ASPM: variants seen among roughly 807,000 people sequenced by gnomAD.
ASPM encodes abnormal spindle-like microcephaly-associated protein.
ASPM carries 256 observed loss-of-function variants against 366.4 expected under a neutral mutation model. The observed-to-expected ratio is 0.70, with a 90% CI of 0.63 to 0.77. The LOEUF is 0.77. Ranked by LOEUF, ASPM falls within the 30% of genes least tolerant of loss-of-function variation. The probability of loss-of-function intolerance (pLI) is 0.00; values close to 1 mark genes in which losing one functional copy is unlikely to be tolerated. For missense variants in ASPM, 4,146 were observed against 4,090.4 expected, an observed-to-expected ratio of 1.01 and a Z score of -0.37; for synonymous variants, 1,414 against 1,342.9, an observed-to-expected ratio of 1.05 and a Z score of -1.16.
In ASPM at chr1:197,130,057, C is replaced by A. The variant is rs1321892596; in HGVS notation, c.2488-1G>T. The A allele has an allele frequency of 1.9e-6, 3 of 1,613,394 alleles. No homozygotes were observed. Among genetic ancestry groups the A allele is most frequent in the Non-Finnish European group, 2.5e-6 (3 of 1,179,718 alleles). ...AAGATATGAGTTCTCCATAAGTTGT[C>A]TGAAAATAAATTAAAGCCAAAGTCA... is the stretch of plus-strand genomic sequence containing the variant. On this transcript the variant is annotated splice_acceptor_variant, in intron 7 of 27. Coordinates refer to ENST00000367409, the MANE Select transcript of ASPM (RefSeq NM_018136.5). LOFTEE classifies it high-confidence loss of function.
In ASPM at chr1:197,142,952, C is replaced by T. The variant is rs370714755; in HGVS notation, c.1300G>A (p.Val434Ile). The T allele has an allele frequency of 1.2e-6, 2 of 1,613,856 alleles. No individual in the cohort carries two copies. The highest frequency in any genetic ancestry group is 2.7e-5 in the African/African-American group (2 of 74,920). The change falls in exon 3 of 28, where the codon GTT (valine) becomes ATT (isoleucine). Residue 434 changes from valine (V) to isoleucine (I), a missense_variant. Coordinates refer to ENST00000367409, the MANE Select transcript of ASPM (RefSeq NM_018136.5). Reference protein sequence around the residue: ...QSPEDWRKSEVSPRIPECQGS... With the variant: ...QSPEDWRKSEISPRIPECQGS... ...TGACATTCAGGAATACGTGGCGAAACTTCACTTTTTCTCCAATCTTCAGGA... is the reference window on the plus strand; with the variant it reads ...TGACATTCAGGAATACGTGGCGAAATTTCACTTTTTCTCCAATCTTCAGGA...
intron 17 of ASPM, among the ~76,000 whole-genome samples, chr1:197,115,663 C>T (rs1198638028): frequency 6.6e-6 from 1 of 152,206 alleles, no homozygotes; most frequent in East Asian, 1.9e-4. Flanking sequence ...CAACATTCCT[C>T]TCCTTGTCCA....
chr1:197,090,935 G>A lies in ASPM; in HGVS notation c.9551C>T (p.Ala3184Val). ...CACTGCTTTCTGTATTACTGATGCA[G>A]CCCTATTTCGCTGGCTCAGACATTC... ...GQECLSQRNR[A>V]ASVIQKAVRH... The change falls in exon 23 of 28, where the codon GCT (alanine) becomes GTT (valine). Residue 3184 changes from alanine to valine, a missense_variant. This residue lies in a region of ASPM where 3,624 missense variants were observed against 3,591.7 expected (regional missense o/e 1.01). Coordinates refer to ENST00000367409, the MANE Select transcript of ASPM (RefSeq NM_018136.5). 6.2e-7 allele frequency: 1 copy of A among 1,613,364 alleles called. No individual in the cohort carries two copies.
In ASPM at chr1:197,144,022, C is replaced by T. The variant is rs752973219; in HGVS notation, c.376G>A (p.Val126Ile). 3 of 1,610,334 alleles carry T rather than the reference C, an allele frequency of 1.9e-6. No individual in the cohort carries two copies. Among genetic ancestry groups the T allele is most frequent in the South Asian group, 1.1e-5 (1 of 90,980 alleles). ...GCTTGGTGTTTCAGAACATCATTTA[C>T]AAGAAATGTCATAATCTCTCTTACT... ...GRVREIMTFL[V>I]NDVLKHQAIL... is the part of the protein sequence containing the mutation. The change falls in exon 2 of 28, where the codon GTA becomes ATA. Residue 126 changes from valine (V) to isoleucine (I), a missense_variant. Physicochemically the swap from Val to Ile is conservative, Grantham distance 29. This residue lies in a region of ASPM where 512 missense variants were observed against 471.7 expected (regional missense o/e 1.09). Transcript: ENST00000367409.
chr1:197,128,418 T>C, intron 10 of ASPM, 72 bp downstream of exon 10: 1 of 1,457,240 alleles, frequency 6.9e-7, no homozygotes, highest in Non-Finnish European at 9.6e-7. Context: ...ATTGAATAAT[T>C]ACAAAAAAAG....
At chr1:197,088,478 A>T in intron 25 of ASPM, 46 bp from the exon 26 acceptor site, 1 of 1,526,614 alleles carries the variant, frequency 6.6e-7, no homozygotes, top group African/African-American at 1.4e-5. Context: ...AAACACATAC[A>T]TTTACAAACA....
At position 197,103,193 on chromosome 1, in the gene ASPM, T is replaced by C. The variant is rs587783253; in HGVS notation, c.6058A>G (p.Thr2020Ala). ...GREQNHLYLK[T>A]KAAVVTLQSA... The stretch of plus-strand genomic sequence containing the variant: ...TGTAAAGTTACTACAGCTGCTTTTG[T>C]TTTCAAATATAAATGATTCTGTTCT... Residue 2020 changes from threonine (T) to alanine (A), a missense_variant, in exon 18 of 28, where the codon ACA becomes GCA. Physicochemically the swap from Thr to Ala is moderately conservative, Grantham distance 58. Around this residue, in one of 3 missense-constraint regions of ASPM, gnomAD observed 3,624 missense variants for 3,591.7 expected, o/e 1.01. Coordinates refer to ENST00000367409, the MANE Select transcript of ASPM (RefSeq NM_018136.5). 6.2e-6 allele frequency: 10 copies of C among 1,612,564 alleles called. No homozygotes were observed. The highest frequency in any genetic ancestry group is 8.5e-6 in the Non-Finnish European group (10 of 1,179,368).
At chr1:197,137,132 TGAAA>T (rs1379093184) in intron 4 of ASPM, among the ~76,000 whole-genome samples, 1 of 152,158 alleles carries the variant, frequency 6.6e-6, no homozygotes, top group Non-Finnish European at 1.5e-5. Context: ...TGGATTAAGA[TGAAA>T]GAATGAGAAG....
chr1:197,139,753 T>C lies in ASPM; in HGVS notation c.2026+14A>G. 1 of 1,538,450 alleles carries C rather than the reference T, an allele frequency of 6.5e-7. No homozygotes were observed. The highest frequency in any genetic ancestry group is 9.0e-7 in the Non-Finnish European group (1 of 1,111,204). On this transcript the variant is annotated intron_variant, in intron 4 of 27. Transcript: ENST00000367409. ...GTCATGTTTTCAGAGAGTTTAAGTA[T>C]AATAAATACTTGCCTGTTTTTAATG...
chr1:197,121,810 A>T, intron 16 of ASPM, 105 bp downstream of exon 16: 1 of 1,365,952 alleles, frequency 7.3e-7, no homozygotes, highest in Non-Finnish European at 1.0e-6. Flanking sequence ...AATTTATCTT[A>T]ATAATGCCAT....
In ASPM at chr1:197,124,273, G is replaced by T. The variant is rs765821387; in HGVS notation, c.3227C>A (p.Thr1076Lys). ...AGATATTGTTTTCTTTATACTCTTT[G>T]TGTGTTTTAGAAAGGCAATTTCTTC... Reference protein sequence around the residue: ...LKEEIAFLKHTKSIKKTISLL... With the variant: ...LKEEIAFLKHKKSIKKTISLL... The change falls in exon 13 of 28, where the codon ACA becomes AAA. Residue 1076 changes from threonine to lysine, a missense_variant. By Grantham distance (78) the Thr-to-Lys change is moderately conservative. Coordinates refer to ENST00000367409, the MANE Select transcript of ASPM (RefSeq NM_018136.5). The T allele has an allele frequency of 7.5e-6, 12 of 1,605,580 alleles. No individual in the cohort carries two copies. The highest frequency in any genetic ancestry group is 1.3e-5 in the African/African-American group (1 of 74,588).
chr1:197,103,334 A>G lies in ASPM; in HGVS notation c.5917T>C (p.Cys1973Arg), dbSNP rs1484640234. The change falls in exon 18 of 28, where the codon TGT (cysteine) becomes CGT (arginine). Residue 1973 changes from cysteine to arginine, a missense_variant. Physicochemically the swap from Cys to Arg is radical, Grantham distance 180. This residue lies in a region of ASPM where 3,624 missense variants were observed against 3,591.7 expected (regional missense o/e 1.01). Transcript: ENST00000367409. ...TAGTATGACTGTATGATGATAGCACATTTATGTTGCCTTTGAAGCTGTCTT... is the reference window on the plus strand; with the variant it reads ...TAGTATGACTGTATGATGATAGCACGTTTATGTTGCCTTTGAAGCTGTCTT... ...LRRQLQRQHK[C>R]AIIIQSYYRM... 2 of 1,613,082 alleles carry G rather than the reference A, an allele frequency of 1.2e-6. No homozygotes were observed. Among genetic ancestry groups the G allele is most frequent in the African/African-American group, 2.7e-5 (2 of 74,830 alleles).
Position 197,103,941 on chromosome 1 carries a change from A to G in ASPM, c.5310T>C (p.Tyr1770=). Residue 1770 remains tyrosine, a synonymous_variant, in exon 18 of 28, where the codon TAT becomes TAC. Coordinates refer to ENST00000367409, the MANE Select transcript of ASPM (RefSeq NM_018136.5). ...TAATTGCTTTATACATTTTCAGATA[A>G]TACTGCCGAGCCTTTCTCATTCTGA... ...SYFRMRKARQ[Y]YLKMYKAIIV... 7 of 1,612,760 alleles carry G rather than the reference A, an allele frequency of 4.3e-6. No homozygotes were observed. Among genetic ancestry groups the G allele is most frequent in the South Asian group, 1.1e-5 (1 of 91,062 alleles).
intron 16 of ASPM, among the ~76,000 whole-genome samples, chr1:197,120,090 G>A (rs1290792235): frequency 2.0e-5 from 3 of 151,730 alleles, no homozygotes; most frequent in African/African-American, 7.3e-5. Flanking sequence ...GGTCCAAGAA[G>A]TTTAACCATA....
chr1:197,099,553 T>C (rs1051839042), intron 18 of ASPM, among the ~76,000 whole-genome samples: 1 of 151,758 alleles, frequency 6.6e-6, no homozygotes, highest in Non-Finnish European at 1.5e-5. Context: ...TTTCCCATTC[T>C]GTGTTTCCTG....
Position 197,101,530 on chromosome 1 carries a change from T to C in ASPM, c.7721A>G (p.Gln2574Arg), listed in dbSNP as rs749800331. The part of the protein sequence containing the change: ...YRMYRQYCFY[Q>R]KLQWATKIIQ... ...GATTTTTGTAGCCCACTGAAGCTTTTGGTAGAAACAATACTGCCTATACAT... is the reference window on the plus strand; with the variant it reads ...GATTTTTGTAGCCCACTGAAGCTTTCGGTAGAAACAATACTGCCTATACAT... The change falls in exon 18 of 28, where the codon CAA (glutamine) becomes CGA (arginine). Residue 2574 changes from glutamine (Q) to arginine (R), a missense_variant. Physicochemically the swap from Gln to Arg is conservative, Grantham distance 43. Coordinates refer to ENST00000367409, the MANE Select transcript of ASPM (RefSeq NM_018136.5). The C allele has an allele frequency of 1.4e-5, 22 of 1,609,344 alleles. No homozygotes were observed. Among genetic ancestry groups the C allele is most frequent in the Non-Finnish European group, 1.9e-5 (22 of 1,179,006 alleles).
At chr1:197,132,682 G>A (rs1332016826) in intron 6 of ASPM, among the ~76,000 whole-genome samples, 2 of 151,486 alleles carry the variant, frequency 1.3e-5, no homozygotes, top group Admixed American at 6.6e-5. Flanking sequence ...GTGTCCATTA[G>A]TGAATAAGTG....
chr1:197,084,556 G>T, intron 27 of ASPM, 130 bp from the exon 28 acceptor site: 1 of 676,714 alleles, frequency 1.5e-6, no homozygotes, highest in Non-Finnish European at 2.6e-6. Flanking sequence ...TGCTCAAAGA[G>T]GTGGGAGAAC....
In ASPM at chr1:197,142,962, T is replaced by C; in HGVS notation, c.1290A>G (p.Arg430=). 1 of 1,613,992 alleles carries C rather than the reference T, an allele frequency of 6.2e-7. No individual in the cohort carries two copies. Among genetic ancestry groups the C allele is most frequent in the Non-Finnish European group, 8.5e-7 (1 of 1,179,884 alleles). Residue 430 remains arginine, a synonymous_variant, in exon 3 of 28, where the codon AGA becomes AGG. Transcript: ENST00000367409. ...GAATACGTGGCGAAACTTCACTTTT[T>C]CTCCAATCTTCAGGAGACTGTGGGA... is the stretch of plus-strand genomic sequence containing the variant. The part of the protein sequence containing the change: ...SQVPQSPEDW[R]KSEVSPRIPE...
Sources: allele counts gnomAD v4.1 joint callset (sites outside exome capture counted in the v4.1 genomes callset), GRCh38; gene constraint gnomAD v4.1.1; regional missense constraint gnomAD v4.1.1; transcripts MANE v1.5; gene names NCBI Gene and HGNC (gene_info 2026-07-23, HGNC 2026-07-21).